The following FMN2 variants were observed in gnomAD, a reference collection of about 807,000 sequenced individuals.
The protein encoded by FMN2 is formin-2.
Under a neutral mutation model 142.3 loss-of-function variants are expected in FMN2, and 51 were observed. The ratio of observed to expected loss-of-function variants is 0.36; its 90% CI spans 0.29 to 0.45. The LOEUF (loss-of-function observed/expected upper bound fraction) is 0.45, where lower values mean the gene tolerates loss of function less well. Ranked by LOEUF, FMN2 falls within the 20% of genes least tolerant of loss-of-function variation. The pLI is 1.00. For missense variants in FMN2, 1,936 were observed against 2,122.8 expected, an observed-to-expected ratio of 0.91 and a Z score of 1.73; for synonymous variants, 882 against 869.8, an observed-to-expected ratio of 1.01 and a Z score of -0.25.
chr1:240,183,197 A>T (rs1455063332), intron 3 of FMN2, among the ~76,000 whole-genome samples: 1 of 151,644 alleles, frequency 6.6e-6, no homozygotes, highest in East Asian at 1.9e-4. Context: ...GATTACAGAC[A>T]TGAGCCACCA....
In FMN2 at chr1:240,437,592, G is replaced by A. The variant is rs190813645; in HGVS notation, c.4911-469G>A. On this transcript the variant is annotated intron_variant, in intron 15 of 17. Coordinates refer to ENST00000319653, the MANE Select transcript of FMN2 (RefSeq NM_020066.5). Reference sequence around the variant, plus strand: ...GCTGGGATTACAGGCGTGAGCCACCGCGCCGGGCTGGGACTCTTGCTTTTA... The same window carrying A: ...GCTGGGATTACAGGCGTGAGCCACCACGCCGGGCTGGGACTCTTGCTTTTA... 2.9e-4 allele frequency among the ~76,000 whole-genome samples: 44 copies of A among 152,226 alleles called. 1 individual carries two copies. The highest frequency in any genetic ancestry group is 3.9e-4 in the East Asian group (2 of 5,164).
At chr1:240,135,222 T>G (rs1049674172) in intron 2 of FMN2, among the ~76,000 whole-genome samples, 12 of 152,188 alleles carry the variant, frequency 7.9e-5, no homozygotes, top group African/African-American at 2.9e-4. Context: ...TGGAGATTGT[T>G]TTGCTACACA....
chr1:240,184,806 G>T (rs759805329), intron 3 of FMN2, among the ~76,000 whole-genome samples: 3 of 151,850 alleles, frequency 2.0e-5, no homozygotes, highest in African/African-American at 7.3e-5. Context: ...CTCTATGAAA[G>T]TTGGAACTAG....
At chr1:240,322,332 T>C (rs1372561372) in intron 8 of FMN2, among the ~76,000 whole-genome samples, 2 of 152,136 alleles carry the variant, frequency 1.3e-5, no homozygotes, top group African/African-American at 4.8e-5. Context: ...TGAGAATTGC[T>C]ATAGTTGATG....
chr1:240,215,804 G>C (rs1441291907), intron 6 of FMN2, among the ~76,000 whole-genome samples: 1 of 152,042 alleles, frequency 6.6e-6, no homozygotes, highest in Non-Finnish European at 1.5e-5. Context: ...CCCCTCCCGG[G>C]TTCAAGCGAT....
intron 15 of FMN2, among the ~76,000 whole-genome samples, chr1:240,416,999 T>G (rs1674598518): frequency 6.6e-6 from 1 of 151,966 alleles, no homozygotes; most frequent in Non-Finnish European, 1.5e-5. Context: ...GTTGTTCAGT[T>G]ATAACTTTGT....
At chr1:240,212,779 C>G (rs769890298) in intron 6 of FMN2, among the ~76,000 whole-genome samples, 2 of 152,006 alleles carry the variant, frequency 1.3e-5, no homozygotes, top group Non-Finnish European at 2.9e-5. Flanking sequence ...TCTGTCTGGG[C>G]GAGGAATATG....
chr1:240,463,124 G>T (rs1313579340), intron 16 of FMN2, among the ~76,000 whole-genome samples: 1 of 152,178 alleles, frequency 6.6e-6, no homozygotes, highest in Non-Finnish European at 1.5e-5. Context: ...CTTGGCAAAT[G>T]AGTAAGTGGC....
intron 15 of FMN2, among the ~76,000 whole-genome samples, chr1:240,403,636 A>G (rs763955492): frequency 3.3e-5 from 5 of 152,194 alleles, no homozygotes; most frequent in Admixed American, 1.3e-4. Context: ...TCCAGGAGCT[A>G]AAGATATCTA....
intron 7 of FMN2, among the ~76,000 whole-genome samples, chr1:240,269,870 A>G (rs1668938299): frequency 6.6e-6 from 1 of 151,636 alleles, no homozygotes; most frequent in Non-Finnish European, 1.5e-5. Flanking sequence ...TCTGATTTTT[A>G]TAGGTCGACT....
intron 2 of FMN2, among the ~76,000 whole-genome samples, chr1:240,161,393 C>T (rs149146823): frequency 2.6e-3 from 396 of 152,074 alleles, no homozygotes; most frequent in African/African-American, 8.1e-3. Flanking sequence ...ATTAGCCAGG[C>T]GTGGTGGTGG....
intron 16 of FMN2, chr1:240,471,764 TGCTGATCACA>T (rs1424824619): frequency 6.6e-6 from 1 of 152,182 alleles, no homozygotes; most frequent in East Asian, 1.9e-4. Flanking sequence ...AGTGCAGAGG[TGCTGATCACA>T]GCTCACTGCA....
At chr1:240,220,538 CA>C (rs780144345) in intron 6 of FMN2, among the ~76,000 whole-genome samples, 2 of 151,996 alleles carry the variant, frequency 1.3e-5, no homozygotes, top group Admixed American at 6.6e-5. Context: ...TGTGAATACA[CA>C]CCTGCCAGGC....
chr1:240,345,437 C>T (rs1259903914), intron 13 of FMN2, among the ~76,000 whole-genome samples: 1 of 152,056 alleles, frequency 6.6e-6, no homozygotes, highest in South Asian at 2.1e-4. Context: ...AAAATTGATT[C>T]GATCCCATGA....
chr1:240,359,819 A>G (rs1010451370), intron 14 of FMN2, among the ~76,000 whole-genome samples: 1 of 152,236 alleles, frequency 6.6e-6, no homozygotes, highest in African/African-American at 2.4e-5. Context: ...TATATTCTTC[A>G]TAACACTTAT....
chr1:240,359,008 C>T (rs1281851232), intron 14 of FMN2, among the ~76,000 whole-genome samples: 1 of 151,980 alleles, frequency 6.6e-6, no homozygotes, highest in Non-Finnish European at 1.5e-5. Flanking sequence ...ACCTGTAATC[C>T]CAGCTACTCA....
chr1:240,262,398 C>T (rs771306227), intron 7 of FMN2, among the ~76,000 whole-genome samples: 2 of 152,160 alleles, frequency 1.3e-5, no homozygotes, highest in Non-Finnish European at 2.9e-5. Context: ...TTTTACTCAG[C>T]ATTTTTAGTT....
At chr1:240,321,154 T>G (rs560956959) in intron 8 of FMN2, among the ~76,000 whole-genome samples, 1 of 137,994 alleles carries the variant, frequency 7.2e-6, no homozygotes, top group South Asian at 2.3e-4. Context: ...ATTGAACTTG[T>G]TTTTTTTTTT....
At chr1:240,415,959 A>T (rs9662100) in intron 15 of FMN2, among the ~76,000 whole-genome samples, 4 of 151,960 alleles carry the variant, frequency 2.6e-5, no homozygotes, top group Non-Finnish European at 5.9e-5. Context: ...TTCAGCTTCT[A>T]TTCTCCCTCT....
Sources: allele counts gnomAD v4.1 joint callset (sites outside exome capture counted in the v4.1 genomes callset), GRCh38; gene constraint gnomAD v4.1.1; transcripts MANE v1.5; gene names NCBI Gene and HGNC (gene_info 2026-07-23, HGNC 2026-07-21).